The following NRG2 variants were observed in gnomAD, a reference collection of about 807,000 sequenced individuals.
The protein encoded by NRG2 is pro-neuregulin-2, membrane-bound isoform.
Under a neutral mutation model 73.9 loss-of-function variants are expected in NRG2, and 27 were observed. That is an observed-to-expected ratio of 0.37 (90% CI 0.27 to 0.50). The LOEUF (loss-of-function observed/expected upper bound fraction) is 0.50. Ranked by LOEUF, NRG2 falls within the 20% of genes least tolerant of loss-of-function variation. NRG2 has a pLI of 0.96. For missense variants in NRG2, 1,126 were observed against 1,210.1 expected (o/e 0.93, Z 1.03); for synonymous variants, 532 against 541.0 (o/e 0.98, Z 0.23).
At chr5:139,921,173 A>C (rs542235672) in intron 1 of NRG2, among the ~76,000 whole-genome samples, 1 of 152,362 alleles carries the variant, frequency 6.6e-6, no homozygotes, top group African/African-American at 2.4e-5. Context: ...AGTTCTTCCC[A>C]ACTTGATCTA....
At chr5:140,024,708 C>T (rs1462911655) in intron 1 of NRG2, among the ~76,000 whole-genome samples, 1 of 152,146 alleles carries the variant, frequency 6.6e-6, no homozygotes, top group Non-Finnish European at 1.5e-5. Context: ...CCTAAATTGC[C>T]CTAACCCCTC....
At position 139,847,690 on chromosome 5, in the gene NRG2, A is replaced by G. The variant is rs985990872; in HGVS notation, c.*227T>C. 2 of 361,932 alleles carry G rather than the reference A, an allele frequency of 5.5e-6. No individual in the cohort carries two copies. The highest frequency in any genetic ancestry group is 4.2e-5 in the African/African-American group (2 of 47,330). 22.4% of individuals were successfully genotyped at this position (361,932 alleles called of 1,614,324 possible). A position where few individuals can be genotyped will look rare whatever the true frequency, so the allele number is the denominator to read the frequency against. ...TTTTTTTTTTCCGAAGCTGTAAATC[A>G]GGATGTTACATATAAATAGTTTCCC... On this transcript the variant is annotated 3_prime_UTR_variant, in exon 10 of 10. Coordinates refer to ENST00000361474, the MANE Select transcript of NRG2 (RefSeq NM_004883.3).
chr5:139,950,018 A>G (rs866102009), intron 1 of NRG2, among the ~76,000 whole-genome samples: 1 of 152,202 alleles, frequency 6.6e-6, no homozygotes, highest in Non-Finnish European at 1.5e-5. Context: ...GACACAAGGG[A>G]AAATTTGTTA....
At chr5:139,898,421 T>G (rs911099473) in intron 1 of NRG2, among the ~76,000 whole-genome samples, 4 of 152,180 alleles carry the variant, frequency 2.6e-5, no homozygotes, top group African/African-American at 4.8e-5. Context: ...TGGACTTCCC[T>G]CTCTGGGCCT....
chr5:139,871,848 G>A lies in NRG2; in HGVS notation c.992-7C>T. On this transcript the variant is annotated splice_polypyrimidine_tract_variant and splice_region_variant and intron_variant, in intron 3 of 9. Transcript: ENST00000361474. ...GATGACAGGGTGGTGCTCACTGAGG[G>A]TATGAGAGACATGTGCCAGTGACGC... 6.2e-7 allele frequency: 1 copy of A among 1,613,510 alleles called. No individual in the cohort carries two copies. Among genetic ancestry groups the A allele is most frequent in the Non-Finnish European group, 8.5e-7 (1 of 1,179,622 alleles).
intron 1 of NRG2, among the ~76,000 whole-genome samples, chr5:139,997,765 C>A: frequency 6.6e-6 from 1 of 152,218 alleles, no homozygotes; most frequent in South Asian, 2.1e-4. Context: ...GCATGTGAAT[C>A]CTGCTTATCA....
chr5:139,985,281 A>G (rs956704661), intron 1 of NRG2, among the ~76,000 whole-genome samples: 16 of 151,340 alleles, frequency 1.1e-4, no homozygotes, highest in African/African-American at 2.2e-4. Context: ...TGGAGGCTGC[A>G]GTGAGCCGAG....
chr5:139,923,757 GA>G (rs756264748), intron 1 of NRG2, among the ~76,000 whole-genome samples: 1 of 152,088 alleles, frequency 6.6e-6, no homozygotes, highest in Non-Finnish European at 1.5e-5. Flanking sequence ...CCTGACAAAT[GA>G]GAGATGAAGA....
chr5:139,956,551 G>T (rs1256135388), intron 1 of NRG2, among the ~76,000 whole-genome samples: 1 of 152,152 alleles, frequency 6.6e-6, no homozygotes, highest in African/African-American at 2.4e-5. Context: ...GGGGTGGTTG[G>T]TTCTCATCCC....
At chr5:139,924,191 T>C (rs1751879685) in intron 1 of NRG2, among the ~76,000 whole-genome samples, 1 of 152,160 alleles carries the variant, frequency 6.6e-6, no homozygotes, top group Non-Finnish European at 1.5e-5. Context: ...TGATCCTAGA[T>C]GGGGGAGAGC....
chr5:140,020,500 G>A (rs1760134395), intron 1 of NRG2, among the ~76,000 whole-genome samples: 1 of 152,144 alleles, frequency 6.6e-6, no homozygotes. Flanking sequence ...AAAGGAAAAG[G>A]AATGATGCCA....
intron 1 of NRG2, among the ~76,000 whole-genome samples, chr5:139,970,809 G>A (rs1031271062): frequency 6.6e-6 from 1 of 152,208 alleles, no homozygotes; most frequent in Non-Finnish European, 1.5e-5. Context: ...AGAAAAGGCA[G>A]TGCTAATCTT....
At chr5:139,873,201 C>T (rs1762970632) in intron 3 of NRG2, among the ~76,000 whole-genome samples, 1 of 152,226 alleles carries the variant, frequency 6.6e-6, no homozygotes, top group Non-Finnish European at 1.5e-5. Context: ...TCACCATCCC[C>T]TCCACATCAT....
chr5:140,021,129 A>G (rs748860810), intron 1 of NRG2, among the ~76,000 whole-genome samples: 4 of 152,264 alleles, frequency 2.6e-5, no homozygotes, highest in Admixed American at 6.5e-5. Flanking sequence ...AAGCACTTCC[A>G]CAGACATCAT....
At chr5:140,035,163 C>T (rs1238230836) in intron 1 of NRG2, among the ~76,000 whole-genome samples, 3 of 152,122 alleles carry the variant, frequency 2.0e-5, no homozygotes, top group Non-Finnish European at 4.4e-5. Flanking sequence ...AACATCCCCC[C>T]TCTGCTACTG....
intron 1 of NRG2, among the ~76,000 whole-genome samples, chr5:139,948,016 A>C (rs1265648697): frequency 1.3e-5 from 2 of 152,184 alleles, no homozygotes; most frequent in African/African-American, 2.4e-5. Flanking sequence ...CCATCTCCAG[A>C]GCTTTTTTCA....
intron 1 of NRG2, among the ~76,000 whole-genome samples, chr5:139,926,846 T>G (rs910442022): frequency 2.0e-5 from 3 of 152,184 alleles, no homozygotes; most frequent in African/African-American, 7.2e-5. Flanking sequence ...GGATTGAATC[T>G]CCATTCGCCC....
intron 1 of NRG2, among the ~76,000 whole-genome samples, chr5:140,006,358 G>C (rs1470154507): frequency 1.3e-5 from 2 of 152,170 alleles, no homozygotes; most frequent in East Asian, 3.8e-4. Flanking sequence ...GATGTCAAAT[G>C]GCGTAACCAT....
chr5:139,973,938 C>G (rs1756180466), intron 1 of NRG2, among the ~76,000 whole-genome samples: 2 of 152,180 alleles, frequency 1.3e-5, no homozygotes, highest in South Asian at 4.1e-4. Flanking sequence ...GAAGAATTTA[C>G]TCCAGAATCT....
Sources: allele counts gnomAD v4.1 joint callset (sites outside exome capture counted in the v4.1 genomes callset), GRCh38; gene constraint gnomAD v4.1.1; transcripts MANE v1.5; gene names NCBI Gene and HGNC (gene_info 2026-07-23, HGNC 2026-07-21).